PDE1C: variants seen among roughly 807,000 people sequenced by gnomAD.
The protein encoded by PDE1C is phosphodiesterase 1C, also known as dual specificity calcium/calmodulin-dependent 3',5'-cyclic nucleotide phosphodiesterase 1C.
In PDE1C, 62 loss-of-function variants were observed where a neutral mutation model predicts 93.1. The ratio of observed to expected loss-of-function variants is 0.67; its 90% CI spans 0.54 to 0.82. PDE1C has a LOEUF of 0.82. Ranked by LOEUF, PDE1C falls within the 40% of genes least tolerant of loss-of-function variation. PDE1C has a pLI of 0.00. For synonymous variants in PDE1C, 325 were observed against 310.1 expected, an observed-to-expected ratio of 1.05 and a Z score of -0.50; for missense variants, 742 against 884.6, an observed-to-expected ratio of 0.84 and a Z score of 2.04.
Position 32,415,961 on chromosome 7 carries a change from G to T in PDE1C, c.310+11861C>A, listed in dbSNP as rs77671735. Among the ~76,000 whole-genome samples, 70 of 152,320 alleles carry T rather than the reference G, an allele frequency of 4.6e-4. No homozygotes were observed. In the East Asian group the frequency reaches 0.013, roughly 28 times the overall value. The stretch of plus-strand genomic sequence containing the variant: ...AGCTGAGAATTCTGAAAGGGGAGTG[G>T]CGGTGTGACCAGGAGCACAGCACAG... On this transcript the variant is annotated intron_variant, in intron 1 of 1. Transcript: ENST00000672256.
At chr7:31,825,547 A>T (rs1411621656) in intron 12 of PDE1C, among the ~76,000 whole-genome samples, 1 of 152,126 alleles carries the variant, frequency 6.6e-6, no homozygotes, top group African/African-American at 2.4e-5. Context: ...TGGACACTGG[A>T]GGCTCCTGGA....
chr7:31,707,762 T>C, the PDE1C span: 1 of 156,942 alleles, frequency 6.4e-6, no homozygotes, highest in Non-Finnish European at 1.4e-5. Context: ...CAGACAAAGG[T>C]CTTTTATTTC....
chr7:32,224,734 T>C (rs972692342), intron 1 of PDE1C, among the ~76,000 whole-genome samples: 9 of 152,200 alleles, frequency 5.9e-5, no homozygotes, highest in African/African-American at 2.2e-4. Context: ...TGGGTAAGGA[T>C]GTCCTTGGAA....
At position 32,018,562 on chromosome 7, in the gene PDE1C, G is replaced by A. The variant is rs546835711; in HGVS notation, c.128+32992C>T. ...TCTTTCTAAGTGAAAGAAGCCAAACGCAAAAGATCAGAAATTGTATTGTCC... is the reference window on the plus strand; with the variant it reads ...TCTTTCTAAGTGAAAGAAGCCAAACACAAAAGATCAGAAATTGTATTGTCC... On this transcript the variant is annotated intron_variant, in intron 2 of 17. Coordinates refer to ENST00000396191, the MANE Select transcript of PDE1C (RefSeq NM_001191057.4). Among the ~76,000 whole-genome samples, 18 of 152,166 alleles carry A rather than the reference G, an allele frequency of 1.2e-4. No homozygotes were observed. The South Asian group carries it at 2.9e-3, about 25-fold the overall frequency.
At chr7:31,625,388 A>T in the PDE1C span, among the ~76,000 whole-genome samples, 46 of 152,170 alleles carry the variant, frequency 3.0e-4, no homozygotes, top group African/African-American at 1.1e-3. Context: ...TCCAACAATG[A>T]TAGACTGGAT....
intron 11 of PDE1C, among the ~76,000 whole-genome samples, chr7:31,833,895 C>A (rs868003177): frequency 6.6e-6 from 1 of 152,188 alleles, no homozygotes; most frequent in East Asian, 1.9e-4. Context: ...GGAGCCAAGA[C>A]AATGGGGAAA....
chr7:32,350,590 A>ATTTTTT (rs1202256808), intron 1 of PDE1C, among the ~76,000 whole-genome samples: 1 of 3,144 alleles, frequency 3.2e-4, no homozygotes, highest in African/African-American at 3.7e-4. Flanking sequence ...ATATATATAT[A>ATTTTTT]TTTTTTTTTT....
At chr7:31,790,515 A>T (rs1042073150) in intron 16 of PDE1C, among the ~76,000 whole-genome samples, 2 of 152,178 alleles carry the variant, frequency 1.3e-5, no homozygotes, top group African/African-American at 4.8e-5. Flanking sequence ...ATTAGCAAAC[A>T]TTTGGTCATG....
chr7:32,015,295 TAA>T (rs369811253), intron 2 of PDE1C, among the ~76,000 whole-genome samples: 2,103 of 146,872 alleles, frequency 0.014, 55 homozygotes, highest in African/African-American at 0.05. Flanking sequence ...CAAATGAGTT[TAA>T]AAAAAAAAAA....
intron 2 of PDE1C, among the ~76,000 whole-genome samples, chr7:31,992,258 C>T (rs527365116): frequency 6.6e-6 from 1 of 152,302 alleles, no homozygotes; most frequent in South Asian, 2.1e-4. Flanking sequence ...AGCTCAGTGA[C>T]ACCCAAGGGA....
upstream of PDE1C, among the ~76,000 whole-genome samples, chr7:32,075,504 G>A (rs1272393459): frequency 6.6e-6 from 1 of 152,088 alleles, no homozygotes; most frequent in East Asian, 1.9e-4. Context: ...TGGCGACACT[G>A]TTACCCTGCT....
chr7:31,910,123 C>G (rs965251097), intron 2 of PDE1C, among the ~76,000 whole-genome samples: 1 of 152,044 alleles, frequency 6.6e-6, no homozygotes, highest in African/African-American at 2.4e-5. Context: ...GGAAACACGC[C>G]CAGGGTGACT....
chr7:32,214,092 G>GTGTA (rs988370633), intron 1 of PDE1C, among the ~76,000 whole-genome samples: 1 of 152,158 alleles, frequency 6.6e-6, no homozygotes, highest in Non-Finnish European at 1.5e-5. Context: ...ATATGTACAT[G>GTGTA]TGTATGTATA....
At chr7:32,357,408 C>T (rs182476644) in intron 1 of PDE1C, among the ~76,000 whole-genome samples, 7 of 152,042 alleles carry the variant, frequency 4.6e-5, no homozygotes, top group Admixed American at 4.6e-4. Flanking sequence ...TAAAATAAAA[C>T]ACATTTGAAT....
chr7:32,231,259 G>A (rs1467370258), intron 1 of PDE1C, among the ~76,000 whole-genome samples: 2 of 152,020 alleles, frequency 1.3e-5, no homozygotes, highest in African/African-American at 4.8e-5. Context: ...TAGTGTTCTG[G>A]GAAGATGTTC....
At chr7:31,645,906 TAAA>T in the PDE1C span, among the ~76,000 whole-genome samples, 4 of 152,174 alleles carry the variant, frequency 2.6e-5, 1 homozygote, top group African/African-American at 9.6e-5. Context: ...TCTAAGAGAA[TAAA>T]CATTTACCCG....
chr7:31,979,420 A>G (rs1447098522), intron 2 of PDE1C, among the ~76,000 whole-genome samples: 2 of 152,250 alleles, frequency 1.3e-5, no homozygotes, highest in Non-Finnish European at 2.9e-5. Flanking sequence ...TTATTTTACT[A>G]AAATGTGCTA....
At chr7:31,974,140 G>GAA (rs1811330097) in intron 2 of PDE1C, among the ~76,000 whole-genome samples, 1 of 151,968 alleles carries the variant, frequency 6.6e-6, no homozygotes, top group Non-Finnish European at 1.5e-5. Flanking sequence ...TTTTAAAGTT[G>GAA]AAGTTAAGCA....
the PDE1C span, among the ~76,000 whole-genome samples, chr7:31,652,254 T>A: frequency 6.6e-6 from 1 of 152,214 alleles, no homozygotes. Context: ...TCAGTTCACC[T>A]GTCATACCAA....
Sources: allele counts gnomAD v4.1 joint callset (sites outside exome capture counted in the v4.1 genomes callset), GRCh38; gene constraint gnomAD v4.1.1; transcripts MANE v1.5; gene names NCBI Gene and HGNC (gene_info 2026-07-23, HGNC 2026-07-21).